The following ITPRID2 variants were observed in gnomAD, a reference collection of about 807,000 sequenced individuals.
The protein encoded by ITPRID2 is ITPR interacting domain containing 2.
A neutral mutation model predicts 124.3 loss-of-function variants in ITPRID2; 60 were observed. That is an observed-to-expected ratio of 0.48 (90% confidence interval 0.39 to 0.60). ITPRID2 has a LOEUF of 0.60. Among genes scored for constraint, ITPRID2 ranks in the 20% least tolerant of loss-of-function variants. The pLI is 0.00. For missense variants in ITPRID2, 1,553 were observed against 1,512.2 expected (o/e 1.03, Z -0.45); for synonymous variants, 521 against 542.9 (o/e 0.96, Z 0.56).
intron 16 of ITPRID2, among the ~76,000 whole-genome samples, chr2:181,924,812 TAC>T: frequency 6.6e-6 from 1 of 152,380 alleles, no homozygotes; most frequent in East Asian, 1.9e-4. Context: ...ATATTAAAGA[TAC>T]CTCTTTTCTG....
In ITPRID2 at chr2:181,910,107, C is replaced by T. The variant is rs965291065; in HGVS notation, c.1486+136C>T. 1 of 589,400 alleles carries T rather than the reference C, an allele frequency of 1.7e-6. No homozygotes were observed. Among genetic ancestry groups the T allele is most frequent in the Non-Finnish European group, 2.9e-6 (1 of 347,638 alleles). The allele number at this position is 589,400 out of a possible 1,614,324, so 36.5% of individuals were successfully genotyped here. On this transcript the variant is annotated intron_variant, in intron 9 of 17. Coordinates refer to ENST00000431877, the MANE Select transcript of ITPRID2 (RefSeq NM_001130445.3). The surrounding 1 kb of genome is among the most constrained non-coding windows in gnomAD (Gnocchi z 4.1). ...AGAACACACACAGGTAGGCATGATTCACTATTGTTTGTAGAACTTTTTTTG... is the reference window on the plus strand; with the variant it reads ...AGAACACACACAGGTAGGCATGATTTACTATTGTTTGTAGAACTTTTTTTG...
rs759480999 is a variant in ITPRID2 at position 181,922,042 on chromosome 2, C to T, written c.3305C>T (p.Ser1102Leu). The T allele has an allele frequency of 1.9e-6, 3 of 1,614,194 alleles. No homozygotes were observed. The highest frequency in any genetic ancestry group is 2.2e-5 in the South Asian group (2 of 91,086). ...MGFEIPPGES[S>L]ESVFSQATSE... ...TTTGAAATTCCTCCTGGAGAAAGCT[C>T]AGAATCTGTTTTTTCCCAAGCAACA... is the stretch of plus-strand genomic sequence containing the variant. The change falls in exon 16 of 18, where the codon TCA becomes TTA. Residue 1102 changes from serine to leucine, a missense_variant. Transcript: ENST00000431877.
chr2:181,898,430 C>T (rs956443555), intron 4 of ITPRID2, among the ~76,000 whole-genome samples: 1 of 151,528 alleles, frequency 6.6e-6, no homozygotes, highest in Non-Finnish European at 1.5e-5. Flanking sequence ...CAGTTATAAC[C>T]TTAAAAAAAA....
rs1038894843 is a variant in ITPRID2 at position 181,897,084 on chromosome 2, C to G, written c.364+120C>G. On this transcript the variant is annotated intron_variant, in intron 4 of 17. Transcript: ENST00000431877. Reference sequence around the variant, plus strand: ...AAATTTAAAGGTCTTGAAAATGGCTCAGGCATATTTTACATTACCTTTCTT... The same window carrying G: ...AAATTTAAAGGTCTTGAAAATGGCTGAGGCATATTTTACATTACCTTTCTT... 5 of 823,462 alleles carry G rather than the reference C, an allele frequency of 6.1e-6. No homozygotes were observed. The East Asian group carries it at 1.2e-4, about 20-fold the overall frequency. The allele number at this position is 823,462 out of a possible 1,614,324, so 51.0% of individuals were successfully genotyped here. A position where few individuals can be genotyped will look rare whatever the true frequency, so the allele number is the denominator to read the frequency against.
chr2:181,914,858 GAGA>G (rs1277002850), intron 10 of ITPRID2, among the ~76,000 whole-genome samples: 2 of 152,186 alleles, frequency 1.3e-5, no homozygotes, highest in Non-Finnish European at 2.9e-5. Flanking sequence ...TCAGAATGGA[GAGA>G]AGGAGGGAAT....
chr2:181,916,304 T>A lies in ITPRID2; in HGVS notation c.2664T>A (p.Pro888=). The A allele has an allele frequency of 6.2e-7, 1 of 1,614,236 alleles. No homozygotes were observed. The highest frequency in any genetic ancestry group is 1.1e-5 in the South Asian group (1 of 91,082). The change falls in exon 11 of 18, where the codon CCT becomes CCA. Residue 888 remains proline (P), a synonymous_variant. Coordinates refer to ENST00000431877, the MANE Select transcript of ITPRID2 (RefSeq NM_001130445.3). The stretch of plus-strand genomic sequence containing the variant: ...CCTTCGCTTCCCCTTTCGGGTGTCC[T>A]TACTCACATAGACATGCCACCTACC... The part of the protein sequence containing the change: ...CSAFASPFGC[P]YSHRHATYPY...
At chr2:181,894,011 C>T (rs1691979088) in intron 2 of ITPRID2, 1 of 152,254 alleles carries the variant, frequency 6.6e-6, no homozygotes, top group Non-Finnish European at 1.5e-5. Context: ...TTTAAAGCCT[C>T]CAATCTGACT....
At chr2:181,926,690 G>C (rs1449893725) in intron 16 of ITPRID2, among the ~76,000 whole-genome samples, 1 of 148,584 alleles carries the variant, frequency 6.7e-6, no homozygotes, top group African/African-American at 2.5e-5. Context: ...TCCAACCTGG[G>C]TGACAGAGTG....
chr2:181,928,397 G>A lies in ITPRID2; in HGVS notation c.*13+119G>A, dbSNP rs551373240. On this transcript the variant is annotated intron_variant, in intron 17 of 17. Transcript: ENST00000431877. ...TTAAATTTTGAGTTTTAGAATGTAT[G>A]TAATATGTTATTTTACAATGTGAAA... 6.2e-4 allele frequency: 344 copies of A among 558,540 alleles called. 7 individuals carry two copies. In the South Asian group the frequency reaches 8.8e-3, roughly 14 times the overall value. 34.6% of individuals were successfully genotyped at this position (558,540 alleles called of 1,614,324 possible). A position where few individuals can be genotyped will look rare whatever the true frequency, so the allele number is the denominator to read the frequency against.
chr2:181,895,971 T>A (rs1177512777), intron 2 of ITPRID2, 59 bp from the exon 3 acceptor site: 8 of 1,454,144 alleles, frequency 5.5e-6, no homozygotes, highest in Non-Finnish European at 7.7e-6. Context: ...GGCTGTGTAA[T>A]GACAACTTTC....
rs1694540439 is a variant in ITPRID2, at chr2:181,922,323, G to A, written c.3586G>A (p.Glu1196Lys). Reference protein sequence around the residue: ...EVVGPKSEVEEGHGKLPSMPA... With the variant: ...EVVGPKSEVEKGHGKLPSMPA... ...TGTAGGACCTAAATCTGAAGTGGAA[G>A]AAGGGCATGGAAAACTCCCATCAAT... The change falls in exon 16 of 18, where the codon GAA becomes AAA. Residue 1196 changes from glutamate to lysine, a missense_variant. Coordinates refer to ENST00000431877, the MANE Select transcript of ITPRID2 (RefSeq NM_001130445.3). 1 of 1,614,210 alleles carries A rather than the reference G, an allele frequency of 6.2e-7. No individual in the cohort carries two copies. The highest frequency in any genetic ancestry group is 1.1e-5 in the South Asian group (1 of 91,086).
At chr2:181,909,820 T>A (rs921006258) in intron 8 of ITPRID2, 79 bp from the exon 9 acceptor site, 84 of 1,062,170 alleles carry the variant, frequency 7.9e-5, no homozygotes, top group Non-Finnish European at 1.2e-4. Context: ...GTTGATTTGT[T>A]TAATAGATAT....
In ITPRID2 at chr2:181,915,760, A is replaced by G; in HGVS notation, c.2120A>G (p.Asn707Ser). The G allele has an allele frequency of 6.2e-7, 1 of 1,614,142 alleles. No individual in the cohort carries two copies. Among genetic ancestry groups the G allele is most frequent in the Non-Finnish European group, 8.5e-7 (1 of 1,180,046 alleles). ...CAAATGAAGGTTTGCAGTCTGTCTA[A>G]TCAAAGGATGGGGCGTAGCCTGCTA... Reference protein sequence around the residue: ...RAQMKVCSLSNQRMGRSLLKS... With the variant: ...RAQMKVCSLSSQRMGRSLLKS... Residue 707 changes from asparagine to serine, a missense_variant, in exon 11 of 18, where the codon AAT becomes AGT. Physicochemically the swap from Asn to Ser is conservative, Grantham distance 46. Coordinates refer to ENST00000431877, the MANE Select transcript of ITPRID2 (RefSeq NM_001130445.3).
At chr2:181,903,179 A>C (rs769572042) in intron 8 of ITPRID2, among the ~76,000 whole-genome samples, 2 of 152,232 alleles carry the variant, frequency 1.3e-5, no homozygotes, top group Non-Finnish European at 2.9e-5. Context: ...GTAGGAGCTG[A>C]ATAGCTTGGG....
intron 8 of ITPRID2, among the ~76,000 whole-genome samples, chr2:181,908,842 A>C (rs1011404408): frequency 8.5e-5 from 13 of 152,122 alleles, no homozygotes; most frequent in Admixed American, 7.2e-4. Flanking sequence ...AAATGTGTTA[A>C]CTATTAGCGC....
chr2:181,913,973 C>T (rs768568871), intron 10 of ITPRID2, 40 bp downstream of exon 10: 2 of 1,387,390 alleles, frequency 1.4e-6, no homozygotes, highest in East Asian at 2.3e-5. Flanking sequence ...GATTAACTTC[C>T]TCATTTTAAG....
chr2:181,929,569 G>A lies in ITPRID2; in HGVS notation c.*22G>A. On this transcript the variant is annotated 3_prime_UTR_variant, in exon 18 of 18. Transcript: ENST00000431877. ...CTCTTTTCTTTTTTAAGGTTGGCATGGATCCTATTAGCTGTGTAATACTGG... is the reference window on the plus strand; with the variant it reads ...CTCTTTTCTTTTTTAAGGTTGGCATAGATCCTATTAGCTGTGTAATACTGG... The A allele has an allele frequency of 6.2e-7, 1 of 1,610,606 alleles. No individual in the cohort carries two copies. The highest frequency in any genetic ancestry group is 1.1e-5 in the South Asian group (1 of 90,754).
intron 16 of ITPRID2, among the ~76,000 whole-genome samples, chr2:181,923,719 A>G (rs1694655374): frequency 6.6e-6 from 1 of 151,272 alleles, no homozygotes; most frequent in South Asian, 2.1e-4. Context: ...TGTTCCCCTT[A>G]GCTTGCTTTG....
chr2:181,920,555 T>C (rs1318020026), intron 14 of ITPRID2, 42 bp from the exon 15 acceptor site: 1 of 1,419,674 alleles, frequency 7.0e-7, no homozygotes, highest in East Asian at 2.3e-5. Context: ...TATGTATATA[T>C]ACACACACAT....
Sources: allele counts gnomAD v4.1 joint callset (sites outside exome capture counted in the v4.1 genomes callset), GRCh38; gene constraint gnomAD v4.1.1; non-coding constraint Gnocchi (gnomAD v3.1); transcripts MANE v1.5; gene names NCBI Gene and HGNC (gene_info 2026-07-23, HGNC 2026-07-21).